CNTN4: variants seen among roughly 807,000 people sequenced by gnomAD.
The protein encoded by CNTN4 is contactin-4.
A neutral mutation model predicts 122.5 loss-of-function variants in CNTN4; 77 were observed. The observed-to-expected ratio is 0.63, with a 90% CI of 0.52 to 0.76. CNTN4 has a LOEUF of 0.76. Ranked by LOEUF, CNTN4 falls within the 30% of genes least tolerant of loss-of-function variation. The pLI, the probability that CNTN4 is intolerant of heterozygous loss-of-function variation, is 0.00. For synonymous variants in CNTN4, 512 were observed against 447.0 expected, an observed-to-expected ratio of 1.15 and a Z score of -1.83; for missense variants, 1,256 against 1,259.1, an observed-to-expected ratio of 1.00 and a Z score of 0.04.
At chr3:2,415,439 T>G (rs554564254) in intron 3 of CNTN4, among the ~76,000 whole-genome samples, 2 of 152,336 alleles carry the variant, frequency 1.3e-5, no homozygotes, top group South Asian at 4.1e-4. Flanking sequence ...AGTGCAGAGT[T>G]TCACTTGGCT....
chr3:2,670,038 G>A (rs191351144), intron 4 of CNTN4, among the ~76,000 whole-genome samples: 257 of 152,320 alleles, frequency 1.7e-3, no homozygotes, highest in Admixed American at 3.7e-3. Flanking sequence ...TGGAATAAGT[G>A]TGATGTGGTG....
rs2039458826 is a variant in CNTN4, at chr3:2,230,862, C to T, written c.-144-108316C>T. On this transcript the variant is annotated intron_variant, in intron 2 of 24. Transcript: ENST00000418658. ...ATTGGCTTGAGCATGGTGGTGCACG[C>T]CTCTAGTCCCAGTTACTCAGGAGAC... Among the ~76,000 whole-genome samples the T allele has an allele frequency of 2.0e-5, 3 of 152,022 alleles. No individual in the cohort carries two copies. The South Asian group carries it at 6.2e-4, about 32-fold the overall frequency.
intron 2 of CNTN4, among the ~76,000 whole-genome samples, chr3:2,234,724 TG>T (rs1458132677): frequency 6.6e-6 from 1 of 152,234 alleles, no homozygotes; most frequent in Non-Finnish European, 1.5e-5. Context: ...AAAATAAGCT[TG>T]ATCATTTTAT....
At chr3:2,515,524 C>G (rs375393228) in intron 3 of CNTN4, among the ~76,000 whole-genome samples, 7 of 151,820 alleles carry the variant, frequency 4.6e-5, no homozygotes, top group Non-Finnish European at 8.8e-5. Context: ...ATTTTATTAA[C>G]AAATAGATAC....
rs537732725 is a variant in CNTN4, at chr3:2,980,426, C to T, written c.1359-7919C>T. 5.4e-5 allele frequency among the ~76,000 whole-genome samples: 7 copies of T among 128,988 alleles called. No homozygotes were observed. The East Asian group carries it at 1.4e-3, about 25-fold the overall frequency. The allele number at this position is 128,988 out of a possible 152,430, so 84.6% of individuals were successfully genotyped here. On this transcript the variant is annotated intron_variant, in intron 13 of 24. Transcript: ENST00000418658. ...TACATTTTCAATTCTTTTCATCTTA[C>T]TCCATCACTATTCATAAGTATTAGG... is the stretch of plus-strand genomic sequence containing the variant.
chr3:2,262,187 T>G (rs1056937951), intron 2 of CNTN4, among the ~76,000 whole-genome samples: 6 of 152,222 alleles, frequency 3.9e-5, no homozygotes, highest in Non-Finnish European at 8.8e-5. Context: ...AGGAGATATC[T>G]AAAATGTGTC....
chr3:2,663,095 C>G (rs184103859), intron 4 of CNTN4, among the ~76,000 whole-genome samples: 1 of 139,880 alleles, frequency 7.1e-6, no homozygotes, highest in Non-Finnish European at 1.5e-5. Context: ...GAGTGAGACT[C>G]TGTCTCAGAA....
chr3:3,038,930 C>T lies in CNTN4; in HGVS notation c.2093-3C>T. The T allele has an allele frequency of 1.2e-6, 2 of 1,613,890 alleles. No homozygotes were observed. Among genetic ancestry groups the T allele is most frequent in the South Asian group, 2.2e-5 (2 of 91,074 alleles). On this transcript the variant is annotated splice_polypyrimidine_tract_variant and splice_region_variant and intron_variant, in intron 18 of 24. Coordinates refer to ENST00000418658, the MANE Select transcript of CNTN4 (RefSeq NM_175607.3). Reference sequence around the variant, plus strand: ...ATAACTTGTTTTTTGTCTCCTTGTGCAGTCCCCGAAGTCACACCAGCGAAT... The same window carrying T: ...ATAACTTGTTTTTTGTCTCCTTGTGTAGTCCCCGAAGTCACACCAGCGAAT...
intron 3 of CNTN4, among the ~76,000 whole-genome samples, chr3:2,551,544 C>T (rs773690075): frequency 2.0e-5 from 3 of 151,764 alleles, no homozygotes; most frequent in Non-Finnish European, 4.4e-5. Context: ...ATTTTCATCA[C>T]CTTAATACTT....
chr3:2,291,326 A>G (rs2042126720), intron 2 of CNTN4, among the ~76,000 whole-genome samples: 3 of 152,192 alleles, frequency 2.0e-5, no homozygotes, highest in Non-Finnish European at 4.4e-5. Context: ...CAACCCATAT[A>G]GGAGAATTCT....
At chr3:2,383,642 C>T (rs576645443) in intron 3 of CNTN4, among the ~76,000 whole-genome samples, 23 of 150,714 alleles carry the variant, frequency 1.5e-4, no homozygotes, top group East Asian at 2.0e-4. Context: ...TCTCCCTCTC[C>T]GCCACTCTCT....
intron 6 of CNTN4, among the ~76,000 whole-genome samples, chr3:2,768,866 A>G (rs915066999): frequency 6.6e-6 from 1 of 152,172 alleles, no homozygotes; most frequent in Non-Finnish European, 1.5e-5. Flanking sequence ...CATCTTACAC[A>G]TGTAGAATGT....
chr3:3,055,825 G>A lies in CNTN4; in HGVS notation c.2981-295G>A, dbSNP rs143240310. 2.4e-3 allele frequency among the ~76,000 whole-genome samples: 371 copies of A among 152,212 alleles called. 1 individual carries two copies. Among genetic ancestry groups the A allele is most frequent in the Middle Eastern group, 0.01 (3 of 294 alleles). On this transcript the variant is annotated intron_variant, in intron 24 of 24. Coordinates refer to ENST00000418658, the MANE Select transcript of CNTN4 (RefSeq NM_175607.3). Reference sequence around the variant, plus strand: ...GCAATTTTCATTTTGTTGAATCATCGACATAGCATGCTGTTTATCAGTATT... The same window carrying A: ...GCAATTTTCATTTTGTTGAATCATCAACATAGCATGCTGTTTATCAGTATT...
intron 2 of CNTN4, among the ~76,000 whole-genome samples, chr3:2,272,816 T>TG (rs56380205): frequency 0.53 from 80,764 of 151,654 alleles, 22,249 homozygotes; most frequent in South Asian, 0.68. Context: ...GAGCCTTTTT[T>TG]TTTTTATTTA....
chr3:2,775,399 C>G (rs777330631), intron 6 of CNTN4, among the ~76,000 whole-genome samples: 14 of 152,032 alleles, frequency 9.2e-5, no homozygotes, highest in Non-Finnish European at 1.6e-4. Context: ...AGTTGTTGCC[C>G]ATCATTTAAT....
intron 3 of CNTN4, among the ~76,000 whole-genome samples, chr3:2,464,679 G>A (rs1000011772): frequency 6.6e-6 from 1 of 152,170 alleles, no homozygotes; most frequent in Non-Finnish European, 1.5e-5. Context: ...TTTCAGGTTG[G>A]AACAAAATGC....
At chr3:2,842,156 A>G (rs960454653) in intron 7 of CNTN4, among the ~76,000 whole-genome samples, 2 of 152,196 alleles carry the variant, frequency 1.3e-5, no homozygotes, top group African/African-American at 4.8e-5. Context: ...TTGAGCTTAT[A>G]TATCACTCTT....
intron 2 of CNTN4, among the ~76,000 whole-genome samples, chr3:2,200,386 A>G (rs1052793131): frequency 1.3e-5 from 2 of 152,192 alleles, no homozygotes; most frequent in African/African-American, 4.8e-5. Context: ...CTGGTTCCCA[A>G]CTGAGAGCAA....
At position 2,845,148 on chromosome 3, in the gene CNTN4, AAAATT is replaced by A. The variant is rs575629847; in HGVS notation, c.455-21600_455-21596del. On this transcript the variant is annotated intron_variant, in intron 7 of 24. Coordinates refer to ENST00000418658, the MANE Select transcript of CNTN4 (RefSeq NM_175607.3). ...GACTCAAGAAAAACAAGCCAATAAA[AAAATT>A]AAAGGTTCTACGGACAATTATACAA... is the stretch of plus-strand genomic sequence containing the variant. Among the ~76,000 whole-genome samples the A allele has an allele frequency of 3.3e-3, 501 of 152,336 alleles. 3 individuals carry two copies. The highest frequency in any genetic ancestry group is 0.011 in the African/African-American group (475 of 41,582).
Sources: allele counts gnomAD v4.1 joint callset (sites outside exome capture counted in the v4.1 genomes callset), GRCh38; gene constraint gnomAD v4.1.1; transcripts MANE v1.5; gene names NCBI Gene and HGNC (gene_info 2026-07-23, HGNC 2026-07-21).